Variants in LIN7A observed in about 807,000 individuals in gnomAD.
LIN7A encodes lin-7 cell polarity scaffold A, also known as protein lin-7 homolog A.
LIN7A carries 25 observed loss-of-function variants against 29.8 expected under a neutral mutation model. The ratio of observed to expected loss-of-function variants is 0.84; its 90% CI spans 0.61 to 1.17. The LOEUF (loss-of-function observed/expected upper bound fraction) is 1.17, where lower values mean the gene tolerates loss of function less well. Ranked by LOEUF, LIN7A falls within the 50% of genes most tolerant of loss-of-function variation. The pLI is 0.00. For synonymous variants in LIN7A, 118 were observed against 107.5 expected (o/e 1.10, Z -0.60); for missense variants, 239 against 287.0 (o/e 0.83, Z 1.21).
At chr12:80,847,014 A>T (rs557761852) in intron 3 of LIN7A, among the ~76,000 whole-genome samples, 2 of 152,354 alleles carry the variant, frequency 1.3e-5, no homozygotes, top group Non-Finnish European at 2.9e-5. Flanking sequence ...TCAATTTAGC[A>T]TTATGCTACT....
intron 1 of LIN7A, among the ~76,000 whole-genome samples, chr12:80,897,140 G>T (rs1875945544): frequency 6.7e-6 from 1 of 148,878 alleles, no homozygotes; most frequent in African/African-American, 2.5e-5. Flanking sequence ...AGTTTGATTT[G>T]CCTACTACTA....
intron 5 of LIN7A, among the ~76,000 whole-genome samples, chr12:80,801,063 CAT>C (rs139830315): frequency 0.4 from 59,027 of 149,100 alleles, 11,573 homozygotes; most frequent in Non-Finnish European, 0.42. Context: ...TGAAAATAAG[CAT>C]ATATATATAT....
intron 2 of LIN7A, among the ~76,000 whole-genome samples, chr12:80,873,808 T>A (rs1451111580): frequency 3.3e-5 from 5 of 151,722 alleles, no homozygotes; most frequent in Non-Finnish European, 5.9e-5. Flanking sequence ...TATCTTATAT[T>A]TTTTTTATTG....
intron 2 of LIN7A, among the ~76,000 whole-genome samples, chr12:80,888,312 C>T (rs1875439526): frequency 6.6e-6 from 1 of 152,090 alleles, no homozygotes; most frequent in Non-Finnish European, 1.5e-5. Flanking sequence ...TTTTGTATGT[C>T]TTTATCTTGG....
chr12:80,933,592 G>A (rs908685495), intron 1 of LIN7A, among the ~76,000 whole-genome samples: 3 of 152,044 alleles, frequency 2.0e-5, no homozygotes, highest in Non-Finnish European at 4.4e-5. Context: ...CTAATTATGA[G>A]TTACATCATC....
intron 2 of LIN7A, among the ~76,000 whole-genome samples, chr12:80,864,842 C>G (rs1874058658): frequency 1.3e-5 from 2 of 152,038 alleles, no homozygotes. Flanking sequence ...TTGGGGATGG[C>G]AAAAATCTGC....
At chr12:80,888,443 C>T (rs982273338) in intron 2 of LIN7A, among the ~76,000 whole-genome samples, 3 of 152,082 alleles carry the variant, frequency 2.0e-5, no homozygotes, top group African/African-American at 4.8e-5. Context: ...GCCTGCTCTA[C>T]GCTACAATAA....
At chr12:80,813,336 G>A (rs191615564) in intron 4 of LIN7A, among the ~76,000 whole-genome samples, 1 of 152,106 alleles carries the variant, frequency 6.6e-6, no homozygotes, top group Non-Finnish European at 1.5e-5. Context: ...ACTTAAAAAT[G>A]ATAAATATAT....
rs1020571476 is a variant in LIN7A, at chr12:80,904,186, CA to C, written c.83-14818del. Among the ~76,000 whole-genome samples, 17 of 151,524 alleles carry C rather than the reference CA, an allele frequency of 1.1e-4. No individual in the cohort carries two copies. The East Asian group carries it at 2.3e-3, about 21-fold the overall frequency. The stretch of plus-strand genomic sequence containing the variant: ...GTAAAATTTATTTATTTTTAATCAA[CA>C]AAAAAAATTGCACACACATTATATA... On this transcript the variant is annotated intron_variant, in intron 1 of 5. Coordinates refer to ENST00000552864, the MANE Select transcript of LIN7A (RefSeq NM_004664.4).
chr12:80,924,855 A>G (rs960425140), intron 1 of LIN7A, among the ~76,000 whole-genome samples: 1 of 152,234 alleles, frequency 6.6e-6, no homozygotes, highest in Non-Finnish European at 1.5e-5. Flanking sequence ...GTCCTGAACT[A>G]TCACTGAATC....
At chr12:80,886,520 CCATAA>C (rs1371953246) in intron 2 of LIN7A, among the ~76,000 whole-genome samples, 1 of 151,922 alleles carries the variant, frequency 6.6e-6, no homozygotes, top group African/African-American at 2.4e-5. Context: ...CAAATATAAA[CCATAA>C]CATATGAATG....
At chr12:80,813,193 A>C (rs958892450) in intron 4 of LIN7A, among the ~76,000 whole-genome samples, 2 of 152,166 alleles carry the variant, frequency 1.3e-5, no homozygotes, top group South Asian at 4.1e-4. Context: ...TTCTATTTTT[A>C]GTAAAGACAG....
chr12:80,800,108 T>C (rs1251563043), intron 5 of LIN7A, among the ~76,000 whole-genome samples: 2 of 152,176 alleles, frequency 1.3e-5, no homozygotes, highest in African/African-American at 4.8e-5. Flanking sequence ...ACAAATACCA[T>C]GGACATTAAA....
chr12:80,798,220 A>G (rs953938180), intron 5 of LIN7A, among the ~76,000 whole-genome samples: 9 of 152,118 alleles, frequency 5.9e-5, no homozygotes, highest in African/African-American at 2.2e-4. Context: ...AGAGTAGGCA[A>G]TTACCTCTAT....
intron 1 of LIN7A, among the ~76,000 whole-genome samples, chr12:80,931,492 A>G (rs1023938323): frequency 2.8e-4 from 43 of 152,048 alleles, no homozygotes; most frequent in African/African-American, 8.9e-4. Flanking sequence ...AAATACAAAA[A>G]CATCAGCTGG....
intron 2 of LIN7A, among the ~76,000 whole-genome samples, chr12:80,878,551 A>C (rs532901046): frequency 6.6e-6 from 1 of 152,318 alleles, no homozygotes; most frequent in African/African-American, 2.4e-5. Flanking sequence ...AAGAGTGAGC[A>C]GCAGCAAGAT....
At chr12:80,824,799 T>G (rs1278108253) in intron 4 of LIN7A, among the ~76,000 whole-genome samples, 1 of 152,184 alleles carries the variant, frequency 6.6e-6, no homozygotes, top group African/African-American at 2.4e-5. Flanking sequence ...AAAAAGCTTT[T>G]GACAAAATCC....
chr12:80,917,865 T>C (rs1877103935), intron 1 of LIN7A, among the ~76,000 whole-genome samples: 1 of 152,198 alleles, frequency 6.6e-6, no homozygotes, highest in Non-Finnish European at 1.5e-5. Context: ...TCACCTCATA[T>C]TCTGGCTCCT....
intron 1 of LIN7A, among the ~76,000 whole-genome samples, chr12:80,897,764 C>T (rs1875986159): frequency 6.6e-6 from 1 of 151,970 alleles, no homozygotes; most frequent in African/African-American, 2.4e-5. Flanking sequence ...AAGATCGTGC[C>T]ACTGCATTCC....
Sources: allele counts gnomAD v4.1 joint callset (sites outside exome capture counted in the v4.1 genomes callset), GRCh38; gene constraint gnomAD v4.1.1; transcripts MANE v1.5; gene names NCBI Gene and HGNC (gene_info 2026-07-23, HGNC 2026-07-21).